The following SUPT7L variants were observed in gnomAD, a reference collection of about 807,000 sequenced individuals.
SUPT7L encodes STAGA complex 65 subunit gamma.
Under a neutral mutation model 35.7 loss-of-function variants are expected in SUPT7L, and 15 were observed. That is an observed-to-expected ratio of 0.42 (90% confidence interval 0.28 to 0.65). The LOEUF (loss-of-function observed/expected upper bound fraction) is 0.65. Among genes scored for constraint, SUPT7L ranks in the 30% least tolerant of loss-of-function variants. The probability of loss-of-function intolerance (pLI) is 0.23; values close to 1 mark genes in which losing one functional copy is unlikely to be tolerated. For missense variants in SUPT7L, 434 were observed against 522.2 expected (o/e 0.83, Z 1.65); for synonymous variants, 168 against 186.2 (o/e 0.90, Z 0.79).
At chr2:27,644,740 T>TTTTTTTTTTTTTTC in the SUPT7L span, among the ~76,000 whole-genome samples, 1 of 148,524 alleles carries the variant, frequency 6.7e-6, no homozygotes, top group Non-Finnish European at 1.5e-5. Context: ...TTTTTTTTTT[T>TTTTTTTTTTTTTTC]TTTACAGATG....
intron 4 of SUPT7L, among the ~76,000 whole-genome samples, chr2:27,656,992 A>G (rs1184076904): frequency 6.6e-6 from 1 of 152,220 alleles, no homozygotes; most frequent in African/African-American, 2.4e-5. Flanking sequence ...CCCTTCAAAA[A>G]CAATGTAAAC....
chr2:27,643,950 G>A, the SUPT7L span, among the ~76,000 whole-genome samples: 2 of 152,156 alleles, frequency 1.3e-5, no homozygotes, highest in African/African-American at 4.8e-5. The surrounding 1 kb of genome is among the most constrained non-coding windows in gnomAD (Gnocchi z 4.0). Context: ...AGGCCGAGGC[G>A]GGTGGATCAC....
chr2:27,646,128 G>A (rs1210288706), downstream of SUPT7L, among the ~76,000 whole-genome samples: 2 of 152,256 alleles, frequency 1.3e-5, no homozygotes, highest in East Asian at 1.9e-4. Flanking sequence ...TGCAACCTCC[G>A]CCTCCCGGGT....
chr2:27,652,687 A>G lies in SUPT7L; in HGVS notation c.*798T>C, dbSNP rs970073593. ...CTCTGATGACCAAGCAAATGCAACA[A>G]ATGAAATATGCACAAGGCTGTCCTT... On this transcript the variant is annotated 3_prime_UTR_variant, in exon 6 of 6. Transcript: ENST00000337768. 1.3e-5 allele frequency: 2 copies of G among 152,826 alleles called. No individual in the cohort carries two copies. Among genetic ancestry groups the G allele is most frequent in the African/African-American group, 4.8e-5 (2 of 41,472 alleles). 9.5% of individuals were successfully genotyped at this position (152,826 alleles called of 1,614,324 possible). A position where few individuals can be genotyped will look rare whatever the true frequency, so the allele number is the denominator to read the frequency against.
chr2:27,643,407 T>C, the SUPT7L span, among the ~76,000 whole-genome samples: 1 of 152,118 alleles, frequency 6.6e-6, no homozygotes, highest in Admixed American at 6.6e-5. This position sits in a 1 kb window ranked among gnomAD's most constrained non-coding sequence, Gnocchi z 4.0. Context: ...TAATACTCTT[T>C]TACCTTGAAT....
intron 3 of SUPT7L, among the ~76,000 whole-genome samples, chr2:27,660,425 T>C (rs1234463805): frequency 2.0e-5 from 3 of 152,120 alleles, no homozygotes; most frequent in African/African-American, 7.2e-5. Flanking sequence ...GGTTTCGCCA[T>C]GTTGGCCAGG....
At chr2:27,649,226 CAA>C (rs886614248), downstream of SUPT7L, among the ~76,000 whole-genome samples, 1 of 150,534 alleles carries the variant, frequency 6.6e-6, no homozygotes, top group Non-Finnish European at 1.5e-5. Context: ...GCCTCGGTAA[CAA>C]GAGTGAAACT....
intron 5 of SUPT7L, among the ~76,000 whole-genome samples, chr2:27,654,322 G>GGTT (rs2148110109): frequency 6.6e-6 from 1 of 152,254 alleles, no homozygotes; most frequent in South Asian, 2.1e-4. Context: ...GTTCTCTTAT[G>GGTT]GTTATTCTTC....
rs1416495827 is a variant in SUPT7L at position 27,657,563 on chromosome 2, C to A, written c.526G>T (p.Glu176Ter). ...LAHAGFDCAN[E>*]SVLETLTDVA... ...TCAGTTAGGGTCTCCAGGACACTCT[C>A]ATTAGCACAGTCAAAGCCCGCGTGG... Residue 176 changes from glutamate to a stop codon, truncating the protein, a stop_gained, in exon 4 of 6, where the codon GAG becomes TAG. Transcript: ENST00000337768. LOFTEE classifies it high-confidence loss of function. The surrounding 1 kb of genome is among the most constrained non-coding windows in gnomAD (Gnocchi z 5.2). The A allele has an allele frequency of 6.2e-7, 1 of 1,614,268 alleles. No individual in the cohort carries two copies. The highest frequency in any genetic ancestry group is 1.1e-5 in the South Asian group (1 of 91,084).
intron 3 of SUPT7L, among the ~76,000 whole-genome samples, chr2:27,658,948 T>C (rs1008342152): frequency 1.3e-5 from 2 of 152,232 alleles, no homozygotes; most frequent in African/African-American, 2.4e-5. Context: ...TTCCTAAATA[T>C]GTATAAAATA....
chr2:27,661,850 T>C (rs945163784), intron 2 of SUPT7L: 2 of 417,632 alleles, frequency 4.8e-6, no homozygotes, highest in South Asian at 2.6e-5. Flanking sequence ...GCTGGATCAA[T>C]AGGAGAAAAA....
At chr2:27,660,847 C>T in intron 3 of SUPT7L, 137 bp downstream of exon 3, 1 of 1,201,566 alleles carries the variant, frequency 8.3e-7, no homozygotes, top group Non-Finnish European at 1.1e-6. Context: ...CCACTAATTA[C>T]CTGGAGAAAC....
In SUPT7L at chr2:27,653,762, A is replaced by G. The variant is rs1243311558; in HGVS notation, c.983-15T>C. The G allele has an allele frequency of 6.2e-7, 1 of 1,614,186 alleles. No homozygotes were observed. The highest frequency in any genetic ancestry group is 8.5e-7 in the Non-Finnish European group (1 of 1,180,016). On this transcript the variant is annotated splice_polypyrimidine_tract_variant and intron_variant, in intron 5 of 5. Transcript: ENST00000337768. ...TACCTCTGCACCTAGAAACAGAGGA[A>G]AGATGGACATACACCAAGTGTATAT...
At chr2:27,644,617 A>G in the SUPT7L span, among the ~76,000 whole-genome samples, 1 of 150,926 alleles carries the variant, frequency 6.6e-6, no homozygotes, top group Non-Finnish European at 1.5e-5. Context: ...ATTCCTGGCT[A>G]TAGTATAAGG....
Position 27,657,539 on chromosome 2 carries a change from C to T in SUPT7L, c.550G>A (p.Asp184Asn), listed in dbSNP as rs1254736093. The change falls in exon 4 of 6, where the codon GAT becomes AAT. Residue 184 changes from aspartate (D) to asparagine (N), a missense_variant. Physicochemically the swap from Asp to Asn is conservative, Grantham distance 23. This residue lies in a region of SUPT7L where 198 missense variants were observed against 190.8 expected (regional missense o/e 1.04). Coordinates refer to ENST00000337768, the MANE Select transcript of SUPT7L (RefSeq NM_014860.3). The surrounding 1 kb of genome is among the most constrained non-coding windows in gnomAD (Gnocchi z 5.2). The part of the protein sequence containing the change: ...ANESVLETLT[D>N]VAHEYCLKFT... ...TTAAGGCAATACTCATGTGCCACATCAGTTAGGGTCTCCAGGACACTCTCA... is the reference window on the plus strand; with the variant it reads ...TTAAGGCAATACTCATGTGCCACATTAGTTAGGGTCTCCAGGACACTCTCA... 8.1e-6 allele frequency: 13 copies of T among 1,614,266 alleles called. No homozygotes were observed. The highest frequency in any genetic ancestry group is 1.1e-5 in the Non-Finnish European group (13 of 1,180,052).
chr2:27,660,732 G>A (rs761463176), intron 3 of SUPT7L, among the ~76,000 whole-genome samples: 3 of 151,986 alleles, frequency 2.0e-5, no homozygotes, highest in Non-Finnish European at 4.4e-5. Context: ...ACATACCAGT[G>A]TATTACCCTG....
Position 27,653,755 on chromosome 2 carries a change from C to CA in SUPT7L, c.983-9dup, listed in dbSNP as rs1372783539. ...AAGCATTTACCTCTGCACCTAGAAA[C>CA]AGAGGAAAGATGGACATACACCAAG... is the stretch of plus-strand genomic sequence containing the variant. On this transcript the variant is annotated splice_polypyrimidine_tract_variant and intron_variant, in intron 5 of 5. Transcript: ENST00000337768. 4 of 1,614,036 alleles carry CA rather than the reference C, an allele frequency of 2.5e-6. No individual in the cohort carries two copies. Among genetic ancestry groups the CA allele is most frequent in the Non-Finnish European group, 3.4e-6 (4 of 1,180,026 alleles).
downstream of SUPT7L, chr2:27,650,290 C>A: frequency 1.5e-6 from 1 of 676,406 alleles, no homozygotes; most frequent in Non-Finnish European, 2.6e-6. Context: ...ACTGGGGGCT[C>A]CCATAAGGGA....
At chr2:27,650,747 T>C (rs1406161421), downstream of SUPT7L, 1 of 152,760 alleles carries the variant, frequency 6.5e-6, no homozygotes, top group Non-Finnish European at 1.5e-5. Context: ...GTATAGCTCA[T>C]TATAGGACGT....
Sources: allele counts gnomAD v4.1 joint callset (sites outside exome capture counted in the v4.1 genomes callset), GRCh38; gene constraint gnomAD v4.1.1; regional missense constraint gnomAD v4.1.1; non-coding constraint Gnocchi (gnomAD v3.1); transcripts MANE v1.5; gene names NCBI Gene and HGNC (gene_info 2026-07-23, HGNC 2026-07-21).